The following ZNF296 variants were observed in gnomAD, a reference collection of about 807,000 sequenced individuals.
ZNF296 encodes zinc finger protein 342.
A neutral mutation model predicts 13.2 loss-of-function variants in ZNF296; 1 was observed. That is an observed-to-expected ratio of 0.08 (90% CI 0.03 to 0.36). The LOEUF (loss-of-function observed/expected upper bound fraction) is 0.36. Among genes scored for constraint, ZNF296 ranks in the 10% least tolerant of loss-of-function variants. The pLI, the probability that ZNF296 is intolerant of heterozygous loss-of-function variation, is 0.99. For synonymous variants in ZNF296, 303 were observed against 289.0 expected, an observed-to-expected ratio of 1.05 and a Z score of -0.49; for missense variants, 555 against 688.2, an observed-to-expected ratio of 0.81 and a Z score of 2.16.
intron 2 of ZNF296, among the ~76,000 whole-genome samples, chr19:45,074,551 C>T (rs1186320326): frequency 6.6e-6 from 1 of 152,086 alleles, no homozygotes; most frequent in Admixed American, 6.6e-5. Context: ...TTTTCAAATT[C>T]TAGAGTCTTG....
In ZNF296 at chr19:45,072,107, C is replaced by T. The variant is rs947487367; in HGVS notation, c.922G>A (p.Val308Ile). 1.2e-6 allele frequency: 2 copies of T among 1,609,360 alleles called. No homozygotes were observed. The highest frequency in any genetic ancestry group is 1.3e-5 in the African/African-American group (1 of 74,776). ...QASAAPPEPA[V>I]HAAAPTSTLP... is the part of the protein sequence containing the mutation. Reference sequence around the variant, plus strand: ...GTGCTGGTGGGGGCAGCAGCATGGACAGCCGGCTCCGGAGGGGCTGCAGAG... The same window carrying T: ...GTGCTGGTGGGGGCAGCAGCATGGATAGCCGGCTCCGGAGGGGCTGCAGAG... The change falls in exon 3 of 3, where the codon GTC becomes ATC. Residue 308 changes from valine (V) to isoleucine (I), a missense_variant. Physicochemically the swap from Val to Ile is conservative, Grantham distance 29. Coordinates refer to ENST00000303809, the MANE Select transcript of ZNF296 (RefSeq NM_145288.3).
chr19:45,075,618 G>A (rs1967331305), intron 2 of ZNF296, 95 bp downstream of exon 2: 1 of 1,459,038 alleles, frequency 6.9e-7, no homozygotes, highest in South Asian at 1.3e-5. Flanking sequence ...GAAAGGGGAA[G>A]TAGTGCTCAG....
In ZNF296 at chr19:45,071,794, C is replaced by T. The variant is rs1268345167; in HGVS notation, c.1235G>A (p.Arg412His). ...TVHRRSHTGE[R>H]PYTCEFCNYA... ...GTTGCAGAACTCACAGGTGTAGGGG[C>T]GCTCCCCGGTGTGTGAGCGCCGGTG... Residue 412 changes from arginine to histidine, a missense_variant, in exon 3 of 3, where the codon CGC (arginine) becomes CAC (histidine). By Grantham distance (29) the Arg-to-His change is conservative. This residue lies in a region of ZNF296 where 410 missense variants were observed against 548.0 expected (regional missense o/e 0.75). Coordinates refer to ENST00000303809, the MANE Select transcript of ZNF296 (RefSeq NM_145288.3). 2 of 1,613,278 alleles carry T rather than the reference C, an allele frequency of 1.2e-6. No homozygotes were observed. The highest frequency in any genetic ancestry group is 1.7e-6 in the Non-Finnish European group (2 of 1,179,962).
In ZNF296 at chr19:45,071,977, G is replaced by C. The variant is rs1967263882; in HGVS notation, c.1052C>G (p.Thr351Ser). ...SGAQAGPGGD[T>S]WGAITTEQRT... is the part of the protein sequence containing the mutation. ...TTGTTCCGTGGTGATGGCTCCCCAA[G>C]TGTCTCCACCAGGGCCGGCTTGAGC... The change falls in exon 3 of 3, where the codon ACT becomes AGT. Residue 351 changes from threonine (T) to serine (S), a missense_variant. This residue lies in a region of ZNF296 where 410 missense variants were observed against 548.0 expected (regional missense o/e 0.75). Coordinates refer to ENST00000303809, the MANE Select transcript of ZNF296 (RefSeq NM_145288.3). 6.2e-7 allele frequency: 1 copy of C among 1,613,484 alleles called. No individual in the cohort carries two copies. Among genetic ancestry groups the C allele is most frequent in the Non-Finnish European group, 8.5e-7 (1 of 1,180,026 alleles).
At position 45,076,311 on chromosome 19, in the gene ZNF296, T is replaced by G; in HGVS notation, c.63A>C (p.Pro21=). 7.0e-7 allele frequency: 1 copy of G among 1,429,852 alleles called. No individual in the cohort carries two copies. Among genetic ancestry groups the G allele is most frequent in the Non-Finnish European group, 9.2e-7 (1 of 1,089,350 alleles). The allele number at this position is 1,429,852 out of a possible 1,614,324, so 88.6% of individuals were successfully genotyped here. A position where few individuals can be genotyped will look rare whatever the true frequency, so the allele number is the denominator to read the frequency against. Residue 21 remains proline (P), a synonymous_variant, in exon 1 of 3, where the codon CCA becomes CCC. Coordinates refer to ENST00000303809, the MANE Select transcript of ZNF296 (RefSeq NM_145288.3). The surrounding 1 kb of genome is among the most constrained non-coding windows in gnomAD (Gnocchi z 4.9). The part of the protein sequence containing the change: ...RRVEPAPAAN[P]DDEMEMQDLV... Reference sequence around the variant, plus strand: ...GGTCCTGCATTTCCATCTCGTCGTCTGGGTTGGCGGCGGGCGCGGGCTCTA... The same window carrying G: ...GGTCCTGCATTTCCATCTCGTCGTCGGGGTTGGCGGCGGGCGCGGGCTCTA...
chr19:45,072,672 G>A, intron 2 of ZNF296, 92 bp from the exon 3 acceptor site: 2 of 1,454,916 alleles, frequency 1.4e-6, no homozygotes, highest in Non-Finnish European at 1.8e-6. Flanking sequence ...CAAAGGACTT[G>A]GCAGTAACAA....
Position 45,072,415 on chromosome 19 carries a change from G to A in ZNF296, c.614C>T (p.Ala205Val). The A allele has an allele frequency of 6.2e-7, 1 of 1,612,616 alleles. No homozygotes were observed. Among genetic ancestry groups the A allele is most frequent in the African/African-American group, 1.3e-5 (1 of 75,050 alleles). ...TGCTGGCCCCACCACTGCCGACACG[G>A]CTGCAGCCACCTCGGCCAGGCCCAG... ...PLLGLAEVAAAVSAVVGPAAE... is the reference protein window; with the variant it reads ...PLLGLAEVAAVVSAVVGPAAE... The change falls in exon 3 of 3, where the codon GCC becomes GTC. Residue 205 changes from alanine to valine, a missense_variant. Ala to Val is a moderately conservative substitution (Grantham distance 64, BLOSUM62 0). This residue lies in a region of ZNF296 where 410 missense variants were observed against 548.0 expected (regional missense o/e 0.75). Coordinates refer to ENST00000303809, the MANE Select transcript of ZNF296 (RefSeq NM_145288.3).
intron 2 of ZNF296, 69 bp from the exon 3 acceptor site, chr19:45,072,649 A>C: frequency 6.6e-7 from 1 of 1,508,978 alleles, no homozygotes; most frequent in Non-Finnish European, 8.8e-7. Context: ...TGGGATAGGC[A>C]CTCCTGCAGG....
At chr19:45,073,948 G>A (rs939938869) in intron 2 of ZNF296, among the ~76,000 whole-genome samples, 2 of 151,646 alleles carry the variant, frequency 1.3e-5, no homozygotes, top group Admixed American at 6.6e-5. Flanking sequence ...CTTGAACCCA[G>A]GAGGCGGAGG....
chr19:45,076,106 G>T lies in ZNF296; in HGVS notation c.268C>A (p.Leu90Met). The change falls in exon 1 of 3, where the codon CTG (leucine) becomes ATG (methionine). Residue 90 changes from leucine (L) to methionine (M), a missense_variant. Around this residue, in one of 3 missense-constraint regions of ZNF296, gnomAD observed 137 missense variants for 121.9 expected, o/e 1.12. Coordinates refer to ENST00000303809, the MANE Select transcript of ZNF296 (RefSeq NM_145288.3). This position sits in a 1 kb window ranked among gnomAD's most constrained non-coding sequence, Gnocchi z 4.9. ...LALGPRNPWT[L>M]WTPLTPNYPD... ...TAGTTCGGGGTCAACGGCGTCCACA[G>T]GGTCCACGGGTTCCGCGGGCCGAGG... is the stretch of plus-strand genomic sequence containing the variant. The T allele has an allele frequency of 6.3e-7, 1 of 1,575,502 alleles. No individual in the cohort carries two copies. The highest frequency in any genetic ancestry group is 8.6e-7 in the Non-Finnish European group (1 of 1,166,398).
At chr19:45,073,096 G>A (rs1346669260) in intron 2 of ZNF296, among the ~76,000 whole-genome samples, 4 of 152,144 alleles carry the variant, frequency 2.6e-5, no homozygotes, top group South Asian at 2.1e-4. Flanking sequence ...CTCAGTAAGC[G>A]CTTCCTACAT....
At position 45,076,255 on chromosome 19, in the gene ZNF296, G is replaced by A; in HGVS notation, c.119C>T (p.Ala40Val). Residue 40 changes from alanine to valine, a missense_variant, in exon 1 of 3, where the codon GCG (alanine) becomes GTG (valine). Around this residue, in one of 3 missense-constraint regions of ZNF296, gnomAD observed 137 missense variants for 121.9 expected, o/e 1.12. Coordinates refer to ENST00000303809, the MANE Select transcript of ZNF296 (RefSeq NM_145288.3). The surrounding 1 kb of genome is among the most constrained non-coding windows in gnomAD (Gnocchi z 4.9). ...CAGCCTTGGGGCCTGTTGGGGCTGC[G>A]CGTCTGGCTCGGGCTTGAGTTCGAT... Reference protein sequence around the residue: ...LVIELKPEPDAQPQQAPRLGP... With the variant: ...LVIELKPEPDVQPQQAPRLGP... 6.7e-7 allele frequency: 1 copy of A among 1,501,776 alleles called. No homozygotes were observed. Among genetic ancestry groups the A allele is most frequent in the African/African-American group, 1.5e-5 (1 of 68,714 alleles). 93.0% of individuals were successfully genotyped at this position (1,501,776 alleles called of 1,614,324 possible).
chr19:45,072,352 AG>A lies in ZNF296; in HGVS notation c.676del (p.Leu226SerfsTer176). 1 of 1,612,720 alleles carries A rather than the reference AG, an allele frequency of 6.2e-7. No individual in the cohort carries two copies. Among genetic ancestry groups the A allele is most frequent in the Non-Finnish European group, 8.5e-7 (1 of 1,179,892 alleles). On this transcript the variant is annotated frameshift_variant, in exon 3 of 3. Coordinates refer to ENST00000303809, the MANE Select transcript of ZNF296 (RefSeq NM_145288.3). LOFTEE classifies it low-confidence loss of function (END_TRUNC). ...AKSPRASGSG[L>X]TRRSPTCPVC... is the part of the protein sequence containing the mutation. Reference sequence around the variant, plus strand: ...AGGACAGGTGGGGCTCCGCCGGGTGAGGCCGCTGCCACTTGCACGGGGGCTC... The same window carrying A: ...AGGACAGGTGGGGCTCCGCCGGGTGAGCCGCTGCCACTTGCACGGGGGCTC...
rs776581206 is a variant in ZNF296, at chr19:45,076,274, G to A, written c.100C>T (p.Leu34Phe). 3.4e-6 allele frequency: 5 copies of A among 1,488,280 alleles called. No homozygotes were observed. Among genetic ancestry groups the A allele is most frequent in the Non-Finnish European group, 4.5e-6 (5 of 1,121,190 alleles). The allele number at this position is 1,488,280 out of a possible 1,614,324, so 92.2% of individuals were successfully genotyped here. A position where few individuals can be genotyped will look rare whatever the true frequency, so the allele number is the denominator to read the frequency against. Residue 34 changes from leucine to phenylalanine, a missense_variant, in exon 1 of 3, where the codon CTC becomes TTC. Leu to Phe is a conservative substitution (Grantham distance 22). Coordinates refer to ENST00000303809, the MANE Select transcript of ZNF296 (RefSeq NM_145288.3). The surrounding 1 kb of genome is among the most constrained non-coding windows in gnomAD (Gnocchi z 4.9). ...EMEMQDLVIE[L>F]KPEPDAQPQQ... is the part of the protein sequence containing the mutation. ...GGCTGCGCGTCTGGCTCGGGCTTGA[G>A]TTCGATGACGAGGTCCTGCATTTCC...
chr19:45,076,310 C>G lies in ZNF296; in HGVS notation c.64G>C (p.Asp22His). The G allele has an allele frequency of 1.4e-6, 2 of 1,432,454 alleles. No individual in the cohort carries two copies. Among genetic ancestry groups the G allele is most frequent in the Non-Finnish European group, 1.8e-6 (2 of 1,090,670 alleles). 88.7% of individuals were successfully genotyped at this position (1,432,454 alleles called of 1,614,324 possible). Residue 22 changes from aspartate (D) to histidine (H), a missense_variant, in exon 1 of 3, where the codon GAC becomes CAC. Asp to His is a moderately conservative substitution (Grantham distance 81). Coordinates refer to ENST00000303809, the MANE Select transcript of ZNF296 (RefSeq NM_145288.3). This position sits in a 1 kb window ranked among gnomAD's most constrained non-coding sequence, Gnocchi z 4.9. ...RVEPAPAANP[D>H]DEMEMQDLVI... is the part of the protein sequence containing the mutation. ...AGGTCCTGCATTTCCATCTCGTCGT[C>G]TGGGTTGGCGGCGGGCGCGGGCTCT...
Position 45,076,058 on chromosome 19 carries a change from A to G in ZNF296, c.298+18T>C. Reference sequence around the variant, plus strand: ...GTCAAAGGTAAGGGAGGCTGGGCCCAGGGCCCGGGGTGCTCACCGGGATAG... The same window carrying G: ...GTCAAAGGTAAGGGAGGCTGGGCCCGGGGCCCGGGGTGCTCACCGGGATAG... On this transcript the variant is annotated intron_variant, in intron 1 of 2. Coordinates refer to ENST00000303809, the MANE Select transcript of ZNF296 (RefSeq NM_145288.3). This position sits in a 1 kb window ranked among gnomAD's most constrained non-coding sequence, Gnocchi z 4.9. 6.3e-7 allele frequency: 1 copy of G among 1,577,818 alleles called. No individual in the cohort carries two copies. The highest frequency in any genetic ancestry group is 1.1e-5 in the South Asian group (1 of 87,212).
chr19:45,071,712 C>T lies in ZNF296; in HGVS notation c.1317G>A (p.Thr439=), dbSNP rs145168144. 21 of 1,597,264 alleles carry T rather than the reference C, an allele frequency of 1.3e-5. No homozygotes were observed. Among genetic ancestry groups the T allele is most frequent in the East Asian group, 6.7e-5 (3 of 44,676 alleles). Residue 439 remains threonine, a synonymous_variant, in exon 3 of 3, where the codon ACG becomes ACA. Transcript: ENST00000303809. The stretch of plus-strand genomic sequence containing the variant: ...GGCACTCGAAGCGGGTGCTGCCAGG[C>T]GTCATGCCGTGCATGCGGCGGTGGC... ...LNRHRRMHGM[T]PGSTRFECPH...
chr19:45,071,740 T>C lies in ZNF296; in HGVS notation c.1289A>G (p.Asn430Ser). ...CATGCCGTGCATGCGGCGGTGGCGG[T>C]TGAGCTTACTGCTCTGGGCGCAGGC... ...NYACAQSSKL[N>S]RHRRMHGMTP... The change falls in exon 3 of 3, where the codon AAC becomes AGC. Residue 430 changes from asparagine to serine, a missense_variant. Coordinates refer to ENST00000303809, the MANE Select transcript of ZNF296 (RefSeq NM_145288.3). The C allele has an allele frequency of 1.2e-6, 2 of 1,608,898 alleles. No individual in the cohort carries two copies. Among genetic ancestry groups the C allele is most frequent in the East Asian group, 2.2e-5 (1 of 44,776 alleles).
intron 1 of ZNF296, 24 bp from the exon 2 acceptor site, chr19:45,075,886 AGCGTG>A: frequency 2.5e-6 from 4 of 1,610,324 alleles, no homozygotes; most frequent in Non-Finnish European, 3.4e-6. Flanking sequence ...GCGGGTGGTG[AGCGTG>A]GGGTGGGGCC....
Sources: gnomAD v4.1 joint callset for allele counts (sites outside exome capture counted in the v4.1 genomes callset) on GRCh38, gnomAD v4.1.1 for gene constraint, gnomAD v4.1.1 regional missense constraint, Gnocchi (gnomAD v3.1) non-coding constraint, MANE v1.5 for transcripts, NCBI Gene and HGNC (gene_info 2026-07-23, HGNC 2026-07-21) for gene names.